The following CEP350 variants were observed in gnomAD, a reference collection of about 807,000 sequenced individuals.
CEP350 encodes the protein centrosomal protein 350, also known as centrosome-associated protein 350.
In CEP350, 126 loss-of-function variants were observed where a neutral mutation model predicts 331.8. The ratio of observed to expected loss-of-function variants is 0.38; its 90% CI spans 0.33 to 0.44. The LOEUF is 0.44. Ranked by LOEUF, CEP350 falls within the 20% of genes least tolerant of loss-of-function variation. The probability of loss-of-function intolerance (pLI) is 1.00; values close to 1 mark genes in which losing one functional copy is unlikely to be tolerated. For synonymous variants in CEP350, 1,200 were observed against 1,259.5 expected (o/e 0.95, Z 1.00); for missense variants, 3,406 against 3,634.6 (o/e 0.94, Z 1.62).
intron 25 of CEP350, among the ~76,000 whole-genome samples, chr1:180,058,094 T>C (rs73034495): frequency 0.017 from 2,557 of 152,280 alleles, 74 homozygotes; most frequent in African/African-American, 0.058. Flanking sequence ...ATATATAATA[T>C]ATGACTCAGC....
At chr1:179,957,713 G>GT (rs1490780029) in intron 1 of CEP350, among the ~76,000 whole-genome samples, 1 of 152,176 alleles carries the variant, frequency 6.6e-6, no homozygotes, top group Non-Finnish European at 1.5e-5. Flanking sequence ...GATTTGCTGG[G>GT]TAGCAAGGGA....
At chr1:179,965,079 A>G (rs1276273115) in intron 1 of CEP350, among the ~76,000 whole-genome samples, 1 of 152,034 alleles carries the variant, frequency 6.6e-6, no homozygotes, top group Non-Finnish European at 1.5e-5. Context: ...GCTGTATCCC[A>G]GAGGTTTTGG....
chr1:179,970,460 T>TA (rs1451997849), intron 1 of CEP350, among the ~76,000 whole-genome samples: 2 of 151,866 alleles, frequency 1.3e-5, no homozygotes, highest in Non-Finnish European at 2.9e-5. Context: ...TGCTGGTCCT[T>TA]ACTAAATTTA....
At chr1:179,977,167 G>T in intron 1 of CEP350, among the ~76,000 whole-genome samples, 1 of 152,206 alleles carries the variant, frequency 6.6e-6, no homozygotes, top group Non-Finnish European at 1.5e-5. Context: ...TAGAGCTGGG[G>T]TGAGGGGCAG....
intron 25 of CEP350, among the ~76,000 whole-genome samples, 194 bp from the exon 26 acceptor site, chr1:180,062,026 T>C (rs541257311): frequency 6.6e-5 from 10 of 152,132 alleles, no homozygotes; most frequent in Non-Finnish European, 1.5e-4. Context: ...TCATATTAAA[T>C]TATTTTAGAA....
chr1:180,114,842 A>T lies in CEP350; in HGVS notation c.*3681A>T. On this transcript the variant is annotated 3_prime_UTR_variant, in exon 38 of 38. Transcript: ENST00000367607. ...TTAACTGAAATATACTTTAAGAAAG[A>T]TAAAATCTGTAAATAAACTGATTTA... 6.5e-6 allele frequency: 1 copy of T among 152,672 alleles called. No individual in the cohort carries two copies. Among genetic ancestry groups the T allele is most frequent in the East Asian group, 1.9e-4 (1 of 5,194 alleles). 9.5% of individuals were successfully genotyped at this position (152,672 alleles called of 1,614,324 possible). A position where few individuals can be genotyped will look rare whatever the true frequency, so the allele number is the denominator to read the frequency against.
At chr1:180,007,838 T>TTGTGTG in intron 8 of CEP350, among the ~76,000 whole-genome samples, 1 of 48,126 alleles carries the variant, frequency 2.1e-5, no homozygotes, top group Middle Eastern at 8.5e-3. Flanking sequence ...ATTTTATGTA[T>TTGTGTG]CGTGTGTGTG....
chr1:180,096,263 G>T (rs1001546846), intron 36 of CEP350, 79 bp downstream of exon 36: 6 of 1,441,846 alleles, frequency 4.2e-6, no homozygotes, highest in African/African-American at 2.9e-5. Flanking sequence ...GTAAAAGCAG[G>T]TGCTCTTCTG....
intron 37 of CEP350, among the ~76,000 whole-genome samples, chr1:180,110,640 T>G (rs1046067929): frequency 7.9e-5 from 12 of 152,226 alleles, no homozygotes; most frequent in Admixed American, 7.9e-4. Context: ...AACATTTCTG[T>G]CTAATATTTT....
intron 32 of CEP350, among the ~76,000 whole-genome samples, chr1:180,090,284 C>T (rs1477954262): frequency 1.3e-5 from 2 of 151,992 alleles, no homozygotes; most frequent in African/African-American, 2.4e-5. Context: ...CGGTGGCTCA[C>T]GCCTGTAATC....
chr1:180,060,423 A>C (rs915356753), intron 25 of CEP350, among the ~76,000 whole-genome samples: 2 of 152,238 alleles, frequency 1.3e-5, no homozygotes, highest in African/African-American at 2.4e-5. Context: ...CCAAAGACAG[A>C]TCACTTGAGG....
At position 179,999,552 on chromosome 1, in the gene CEP350, G is replaced by A. The variant is rs1452738399; in HGVS notation, c.1018+2377G>A. On this transcript the variant is annotated intron_variant, in intron 6 of 37. Coordinates refer to ENST00000367607, the MANE Select transcript of CEP350 (RefSeq NM_014810.5). Reference sequence around the variant, plus strand: ...TAAATTAAAAGCATCTTAAAATACTGTATTCTAAAGTGACATTTTAAGTTT... The same window carrying A: ...TAAATTAAAAGCATCTTAAAATACTATATTCTAAAGTGACATTTTAAGTTT... 3.9e-5 allele frequency among the ~76,000 whole-genome samples: 6 copies of A among 151,918 alleles called. No homozygotes were observed. In the East Asian group the frequency reaches 1.2e-3, roughly 29 times the overall value.
In CEP350 at chr1:180,078,516, G is replaced by C; in HGVS notation, c.5821G>C (p.Glu1941Gln). ...ACCTCTGTACTCTCATCTAAACAGT[G>C]AAAGCTCCATTCCAGAAGAATTAGG... is the stretch of plus-strand genomic sequence containing the variant. Reference protein sequence around the residue: ...PVPLYSHLNSESSIPEELGSP... With the variant: ...PVPLYSHLNSQSSIPEELGSP... Residue 1941 changes from glutamate to glutamine, a missense_variant, in exon 29 of 38, where the codon GAA (glutamate) becomes CAA (glutamine). Transcript: ENST00000367607. The C allele has an allele frequency of 6.2e-7, 1 of 1,613,562 alleles. No individual in the cohort carries two copies. Among genetic ancestry groups the C allele is most frequent in the Non-Finnish European group, 8.5e-7 (1 of 1,179,748 alleles).
At chr1:179,960,840 C>T (rs1456415147) in intron 1 of CEP350, among the ~76,000 whole-genome samples, 2 of 151,868 alleles carry the variant, frequency 1.3e-5, no homozygotes, top group African/African-American at 4.8e-5. Context: ...AGTTGGTAGG[C>T]TATAAATACT....
At chr1:180,001,705 G>A (rs1653879446) in intron 6 of CEP350, among the ~76,000 whole-genome samples, 1 of 152,206 alleles carries the variant, frequency 6.6e-6, no homozygotes, top group South Asian at 2.1e-4. Flanking sequence ...ATAAACGGCA[G>A]CTTGCCCATT....
At chr1:179,995,584 A>G (rs1236871376) in intron 5 of CEP350, among the ~76,000 whole-genome samples, 1 of 152,214 alleles carries the variant, frequency 6.6e-6, no homozygotes, top group Non-Finnish European at 1.5e-5. Flanking sequence ...AGCCTGGGTG[A>G]CAGAATGAGA....
At chr1:179,962,244 A>G (rs1309331830) in intron 1 of CEP350, among the ~76,000 whole-genome samples, 2 of 152,078 alleles carry the variant, frequency 1.3e-5, no homozygotes, top group Admixed American at 6.6e-5. Flanking sequence ...AAGGTGTGAT[A>G]TTTGATTTTC....
rs746609296 is a variant in CEP350 at position 180,078,584 on chromosome 1, G to A, written c.5889G>A (p.Gln1963=). The A allele has an allele frequency of 6.2e-7, 1 of 1,613,426 alleles. No homozygotes were observed. The highest frequency in any genetic ancestry group is 1.7e-5 in the Admixed American group (1 of 59,956). ...VEYVPSESIG[Q]EQPGSPDHSI... is the part of the protein sequence containing the mutation. The stretch of plus-strand genomic sequence containing the variant: ...ATGTACCATCCGAGTCTATAGGACA[G>A]GAGCAGCCAGGGAGTCCAGATCACA... Residue 1963 remains glutamine (Q), a synonymous_variant, in exon 29 of 38, where the codon CAG becomes CAA. Transcript: ENST00000367607.
At chr1:179,990,466 A>G (rs1344928644) in intron 3 of CEP350, 41 bp from the exon 4 acceptor site, 12 of 1,031,852 alleles carry the variant, frequency 1.2e-5, no homozygotes, top group Non-Finnish European at 1.7e-5. Flanking sequence ...TGGATTATTT[A>G]CAGAATTAAC....
Sources: gnomAD v4.1 joint callset for allele counts (sites outside exome capture counted in the v4.1 genomes callset) on GRCh38, gnomAD v4.1.1 for gene constraint, MANE v1.5 for transcripts, NCBI Gene and HGNC (gene_info 2026-07-23, HGNC 2026-07-21) for gene names.